Variants in CHST11 observed in about 807,000 individuals in gnomAD.
The protein encoded by CHST11 is carbohydrate sulfotransferase 11, also known as C4S-1.
Under a neutral mutation model 30.4 loss-of-function variants are expected in CHST11, and 9 were observed. The ratio of observed to expected loss-of-function variants is 0.30; its 90% confidence interval spans 0.18 to 0.52. The LOEUF (loss-of-function observed/expected upper bound fraction) is 0.52, where lower values mean the gene tolerates loss of function less well. CHST11 is among the 20% of genes least tolerant of loss of function. CHST11 has a pLI of 0.97. For synonymous variants in CHST11, 152 were observed against 187.8 expected (o/e 0.81, Z 1.56); for missense variants, 348 against 460.6 (o/e 0.76, Z 2.24).
chr12:104,604,019 C>A (rs1023701947), intron 2 of CHST11, among the ~76,000 whole-genome samples: 2 of 152,126 alleles, frequency 1.3e-5, no homozygotes, highest in Non-Finnish European at 2.9e-5. Context: ...GCACTAGGCG[C>A]TGGGCACAAA....
intron 2 of CHST11, among the ~76,000 whole-genome samples, chr12:104,669,052 C>T (rs1324626549): frequency 6.6e-6 from 1 of 152,206 alleles, no homozygotes; most frequent in African/African-American, 2.4e-5. Flanking sequence ...GCAAGGAACA[C>T]GGCCCCCAGG....
chr12:104,493,154 G>A (rs1005548537), intron 1 of CHST11, among the ~76,000 whole-genome samples: 8 of 152,186 alleles, frequency 5.3e-5, no homozygotes, highest in Admixed American at 1.3e-4. Flanking sequence ...AAAAAAGATC[G>A]GAAAGTGAAA....
chr12:104,492,640 A>G (rs1249843730), intron 1 of CHST11, among the ~76,000 whole-genome samples: 1 of 152,200 alleles, frequency 6.6e-6, no homozygotes, highest in East Asian at 1.9e-4. Context: ...TTAAGATTAC[A>G]CTTTTGGCTA....
chr12:104,714,255 G>C (rs2040111301), intron 2 of CHST11, among the ~76,000 whole-genome samples: 1 of 152,214 alleles, frequency 6.6e-6, no homozygotes, highest in African/African-American at 2.4e-5. Context: ...CTTTGGCTGG[G>C]GAGTGCTTCC....
At chr12:104,725,685 C>T (rs927280949) in intron 2 of CHST11, among the ~76,000 whole-genome samples, 4 of 152,032 alleles carry the variant, frequency 2.6e-5, no homozygotes, top group Non-Finnish European at 5.9e-5. Context: ...GCACATAGGT[C>T]TTGTGTGCTG....
At chr12:104,560,328 C>T (rs2038500994) in intron 1 of CHST11, among the ~76,000 whole-genome samples, 1 of 152,182 alleles carries the variant, frequency 6.6e-6, no homozygotes, top group Non-Finnish European at 1.5e-5. Context: ...AGTTTACCTT[C>T]TGCTCATAGA....
At chr12:104,481,857 T>TC (rs2037626508) in intron 1 of CHST11, among the ~76,000 whole-genome samples, 1 of 151,128 alleles carries the variant, frequency 6.6e-6, no homozygotes, top group Middle Eastern at 3.4e-3. Flanking sequence ...ATTTTTTTTT[T>TC]TTGGAGTTTT....
At chr12:104,719,546 G>A (rs954588100) in intron 2 of CHST11, among the ~76,000 whole-genome samples, 4 of 152,234 alleles carry the variant, frequency 2.6e-5, no homozygotes, top group African/African-American at 9.6e-5. Flanking sequence ...GGCCCTGACT[G>A]CAGACACAGC....
intron 1 of CHST11, among the ~76,000 whole-genome samples, chr12:104,472,468 G>A (rs971255876): frequency 2.6e-5 from 4 of 152,066 alleles, no homozygotes; most frequent in African/African-American, 4.8e-5. Flanking sequence ...TAGTTAATCA[G>A]TCGCTATCTG....
rs567869483 is a variant in CHST11, at chr12:104,524,389, G to A, written c.118+66860G>A. On this transcript the variant is annotated intron_variant, in intron 1 of 2. Coordinates refer to ENST00000303694, the MANE Select transcript of CHST11 (RefSeq NM_018413.6). Reference sequence around the variant, plus strand: ...AGAGAGCTAGTGGGCTTTGCAGCTAGTTCATTCATTTGTCCTAATCCAGGA... The same window carrying A: ...AGAGAGCTAGTGGGCTTTGCAGCTAATTCATTCATTTGTCCTAATCCAGGA... 7.2e-5 allele frequency among the ~76,000 whole-genome samples: 11 copies of A among 152,288 alleles called. No individual in the cohort carries two copies. The South Asian group carries it at 1.7e-3, about 23-fold the overall frequency.
At chr12:104,747,697 A>G (rs2040399099) in intron 2 of CHST11, among the ~76,000 whole-genome samples, 1 of 152,146 alleles carries the variant, frequency 6.6e-6, no homozygotes, top group Non-Finnish European at 1.5e-5. Context: ...CTGAGGCTAG[A>G]CCCAAGCTAA....
intron 1 of CHST11, among the ~76,000 whole-genome samples, chr12:104,488,595 G>A (rs542559601): frequency 7.3e-5 from 11 of 150,012 alleles, no homozygotes; most frequent in African/African-American, 2.7e-4. Flanking sequence ...GTATGCGTAT[G>A]TATGCGTATG....
chr12:104,690,835 A>T (rs1260942377), intron 2 of CHST11, among the ~76,000 whole-genome samples: 1 of 152,194 alleles, frequency 6.6e-6, no homozygotes, highest in African/African-American at 2.4e-5. Flanking sequence ...CTCCAAAAAT[A>T]AAAATAAAAT....
At position 104,571,546 on chromosome 12, in the gene CHST11, C is replaced by T. The variant is rs190901062; in HGVS notation, c.119-30360C>T. ...GCTTGTAGACACAGGCTTTCAGTCT[C>T]CTGAAGTGCTGTGGACACTTTGATC... On this transcript the variant is annotated intron_variant, in intron 1 of 2. Transcript: ENST00000303694. 5.3e-4 allele frequency among the ~76,000 whole-genome samples: 81 copies of T among 152,302 alleles called. 1 individual carries two copies. In the East Asian group the frequency reaches 8.3e-3, roughly 16 times the overall value.
At chr12:104,688,028 C>T (rs1377306310) in intron 2 of CHST11, among the ~76,000 whole-genome samples, 2 of 152,184 alleles carry the variant, frequency 1.3e-5, no homozygotes, top group Non-Finnish European at 1.5e-5. Flanking sequence ...CATCACTTCC[C>T]TGCATGGCAT....
At chr12:104,591,166 G>A (rs1613173) in intron 1 of CHST11, among the ~76,000 whole-genome samples, 82,923 of 151,794 alleles carry the variant, frequency 0.55, 23,108 homozygotes, top group East Asian at 0.68. Flanking sequence ...CAGTATGGTG[G>A]AGGAGGGGCA....
rs1285523527 is a variant in CHST11 at position 104,573,346 on chromosome 12, T to C, written c.119-28560T>C. Among the ~76,000 whole-genome samples the C allele has an allele frequency of 3.3e-5, 5 of 152,128 alleles. No individual in the cohort carries two copies. The East Asian group carries it at 5.8e-4, about 18-fold the overall frequency. ...GCTACCAATGACTTTCTTCACAGAA[T>C]TGGAAAAAACTACTTTAAAGTTCAT... On this transcript the variant is annotated intron_variant, in intron 1 of 2. Transcript: ENST00000303694.
At chr12:104,614,987 A>T (rs1344928955) in intron 2 of CHST11, among the ~76,000 whole-genome samples, 1 of 152,166 alleles carries the variant, frequency 6.6e-6, no homozygotes, top group East Asian at 1.9e-4. Flanking sequence ...GTAGCTCCAG[A>T]CTTCTAGAAA....
intron 1 of CHST11, among the ~76,000 whole-genome samples, chr12:104,567,970 G>GAGC (rs1183569353): frequency 2.0e-5 from 3 of 152,180 alleles, no homozygotes; most frequent in African/African-American, 7.2e-5. Flanking sequence ...CCAGAACTGT[G>GAGC]AGCAATACAT....
Sources: gnomAD v4.1 joint callset for allele counts (sites outside exome capture counted in the v4.1 genomes callset) on GRCh38, gnomAD v4.1.1 for gene constraint, MANE v1.5 for transcripts, NCBI Gene and HGNC (gene_info 2026-07-23, HGNC 2026-07-21) for gene names.